The following EFTUD2 variants were observed in gnomAD, a reference collection of about 807,000 sequenced individuals.
The protein encoded by EFTUD2 is 116 kDa U5 small nuclear ribonucleoprotein component.
In EFTUD2, 9 loss-of-function variants were observed where a neutral mutation model predicts 114.3. The observed-to-expected ratio is 0.08, with a 90% confidence interval of 0.05 to 0.14. The LOEUF (loss-of-function observed/expected upper bound fraction) is 0.14. EFTUD2 is among the 10% of genes least tolerant of loss of function. EFTUD2 has a pLI of 1.00. For missense variants in EFTUD2, 765 were observed against 1,241.2 expected (o/e 0.62, Z 5.76); for synonymous variants, 449 against 462.3 (o/e 0.97, Z 0.37).
At chr17:44,857,238 C>T in intron 19 of EFTUD2, 81 bp from the exon 20 acceptor site, 1 of 1,186,488 alleles carries the variant, frequency 8.4e-7, no homozygotes, top group South Asian at 1.2e-5. Context: ...AATTCAGAAG[C>T]TCCCTTGACA....
intron 1 of EFTUD2, among the ~76,000 whole-genome samples, chr17:44,896,529 C>T (rs1223359772): frequency 2.0e-5 from 3 of 152,158 alleles, no homozygotes; most frequent in Non-Finnish European, 2.9e-5. Context: ...CACCTGTAGT[C>T]CCAGCTACTC....
intron 15 of EFTUD2, 99 bp downstream of exon 15, chr17:44,863,556 G>A (rs545886274): frequency 4.6e-6 from 7 of 1,509,484 alleles, no homozygotes; most frequent in Non-Finnish European, 6.3e-6. Flanking sequence ...GGGGAGGCAA[G>A]GGTGGGAAAG....
chr17:44,856,992 C>A, intron 20 of EFTUD2, 83 bp downstream of exon 20: 1 of 1,175,952 alleles, frequency 8.5e-7, no homozygotes, highest in Middle Eastern at 2.3e-4. Context: ...GCATAGTGCT[C>A]ATGGTGGGGG....
At chr17:44,891,041 C>T (rs768174733) in intron 2 of EFTUD2, among the ~76,000 whole-genome samples, 1 of 152,008 alleles carries the variant, frequency 6.6e-6, no homozygotes, top group Admixed American at 6.6e-5. Context: ...CAGGGCAAAC[C>T]GAGTAGCAGT....
chr17:44,860,385 G>T, intron 17 of EFTUD2, 47 bp downstream of exon 17: 2 of 1,318,748 alleles, frequency 1.5e-6, no homozygotes, highest in Non-Finnish European at 2.2e-6. Flanking sequence ...GTGTCCCTGG[G>T]ACCATCTAGC....
chr17:44,888,292 C>T (rs562525477), intron 2 of EFTUD2, among the ~76,000 whole-genome samples: 3 of 152,116 alleles, frequency 2.0e-5, no homozygotes, highest in Admixed American at 6.5e-5. Context: ...CAAAAGTAGG[C>T]GGGGAGGTGC....
At chr17:44,866,758 A>G (rs887256401) in intron 13 of EFTUD2, among the ~76,000 whole-genome samples, 1 of 152,150 alleles carries the variant, frequency 6.6e-6, no homozygotes, top group Non-Finnish European at 1.5e-5. Flanking sequence ...AATGAGCATA[A>G]CTGACAAACA....
chr17:44,881,817 G>A (rs1036183475), intron 6 of EFTUD2, 95 bp from the exon 7 acceptor site: 1 of 1,198,078 alleles, frequency 8.3e-7, no homozygotes. Context: ...CCCAGCTCAA[G>A]GGTTTCTTTG....
At chr17:44,887,347 C>G (rs1421604661) in intron 2 of EFTUD2, among the ~76,000 whole-genome samples, 1 of 152,084 alleles carries the variant, frequency 6.6e-6, no homozygotes, top group Non-Finnish European at 1.5e-5. Flanking sequence ...AAACTTATGG[C>G]CACACAAAAA....
intron 11 of EFTUD2, among the ~76,000 whole-genome samples, chr17:44,869,325 G>T (rs947111384): frequency 2.0e-5 from 3 of 152,072 alleles, no homozygotes; most frequent in African/African-American, 7.2e-5. Context: ...TTGAGATGGG[G>T]TCTTGCTTTG....
chr17:44,880,741 C>A, intron 7 of EFTUD2, 97 bp from the exon 8 acceptor site: 1 of 879,952 alleles, frequency 1.1e-6, no homozygotes, highest in Non-Finnish European at 1.9e-6. Context: ...ACACTGATGC[C>A]TCTCCTTATA....
intron 15 of EFTUD2, chr17:44,863,178 T>G (rs185372556): frequency 5.8e-6 from 2 of 342,872 alleles, no homozygotes; most frequent in Non-Finnish European, 1.1e-5. Flanking sequence ...AGAGGCACTA[T>G]TGGCAAGATT....
Position 44,885,662 on chromosome 17 carries a change from T to A in EFTUD2, c.272-328A>T, listed in dbSNP as rs573856992. ...ATGCAATCACTTTCCAAAAGATCAA[T>A]GAAAACTTTTTTTTTTGGGAGACAG... On this transcript the variant is annotated intron_variant, in intron 3 of 27. Transcript: ENST00000426333. 7.2e-5 allele frequency among the ~76,000 whole-genome samples: 11 copies of A among 152,198 alleles called. No individual in the cohort carries two copies. The South Asian group carries it at 1.9e-3, about 26-fold the overall frequency.
intron 2 of EFTUD2, among the ~76,000 whole-genome samples, chr17:44,889,717 G>A (rs1388838748): frequency 1.3e-5 from 2 of 152,180 alleles, no homozygotes; most frequent in African/African-American, 4.8e-5. Flanking sequence ...CTCCAGTGGT[G>A]AGACCGGCTA....
chr17:44,852,792 G>T (rs2050478270), intron 25 of EFTUD2, among the ~76,000 whole-genome samples: 1 of 152,178 alleles, frequency 6.6e-6, no homozygotes, highest in African/African-American at 2.4e-5. Context: ...GTGGGATGGT[G>T]AAGGGACAAG....
At chr17:44,865,181 A>G (rs372747086) in intron 13 of EFTUD2, 116 bp from the exon 14 acceptor site, 3 of 1,419,040 alleles carry the variant, frequency 2.1e-6, no homozygotes, top group African/African-American at 1.4e-5. Flanking sequence ...GCTCTCTTCT[A>G]TGGAGACAAA....
chr17:44,864,915 C>T lies in EFTUD2; in HGVS notation c.1285+15G>A, dbSNP rs985544307. The stretch of plus-strand genomic sequence containing the variant: ...CGAGGATGACAGAGTTAAGGGGCCA[C>T]GAGCACATTATTACCTGTGAACTCG... On this transcript the variant is annotated intron_variant, in intron 14 of 27. Coordinates refer to ENST00000426333, the MANE Select transcript of EFTUD2 (RefSeq NM_004247.4). 19 of 1,612,988 alleles carry T rather than the reference C, an allele frequency of 1.2e-5. No homozygotes were observed. Among genetic ancestry groups the T allele is most frequent in the Non-Finnish European group, 1.4e-5 (16 of 1,179,292 alleles).
intron 18 of EFTUD2, chr17:44,859,453 C>A (rs768957662): frequency 1.8e-6 from 1 of 542,944 alleles, no homozygotes; most frequent in Non-Finnish European, 3.3e-6. Context: ...ACCCTATACC[C>A]ATGGACATAA....
rs746820967 is a variant in EFTUD2 at position 44,859,523 on chromosome 17, G to T, written c.1861-342C>A. On this transcript the variant is annotated intron_variant, in intron 18 of 27. Transcript: ENST00000426333. ...AAAGGTACACTGGCAGGCTCATAGTGTACAAGGATCAGAGTAACAACTCAC... is the reference window on the plus strand; with the variant it reads ...AAAGGTACACTGGCAGGCTCATAGTTTACAAGGATCAGAGTAACAACTCAC... 9.9e-6 allele frequency: 5 copies of T among 502,528 alleles called. No individual in the cohort carries two copies. In the Admixed American group the frequency reaches 1.3e-4, roughly 13 times the overall value. 31.1% of individuals were successfully genotyped at this position (502,528 alleles called of 1,614,324 possible). A position where few individuals can be genotyped will look rare whatever the true frequency, so the allele number is the denominator to read the frequency against.
Sources: gnomAD v4.1 joint callset for allele counts (sites outside exome capture counted in the v4.1 genomes callset) on GRCh38, gnomAD v4.1.1 for gene constraint, MANE v1.5 for transcripts, NCBI Gene and HGNC (gene_info 2026-07-23, HGNC 2026-07-21) for gene names.